The following MTUS2 variants were observed in gnomAD, a reference collection of about 807,000 sequenced individuals.
MTUS2 encodes the protein microtubule associated scaffold protein 2, also known as microtubule-associated tumor suppressor candidate 2.
Under a neutral mutation model 114.1 loss-of-function variants are expected in MTUS2, and 40 were observed. The observed-to-expected ratio is 0.35, with a 90% CI of 0.27 to 0.46. The LOEUF (loss-of-function observed/expected upper bound fraction) is 0.46, where lower values mean the gene tolerates loss of function less well. Ranked by LOEUF, MTUS2 falls within the 20% of genes least tolerant of loss-of-function variation. The pLI, the probability that MTUS2 is intolerant of heterozygous loss-of-function variation, is 1.00. For synonymous variants in MTUS2, 688 were observed against 672.0 expected (o/e 1.02, Z -0.37); for missense variants, 1,679 against 1,705.4 (o/e 0.98, Z 0.27).
intron 5 of MTUS2, among the ~76,000 whole-genome samples, chr13:29,279,047 A>G (rs963653623): frequency 2.0e-5 from 3 of 152,232 alleles, no homozygotes; most frequent in Admixed American, 6.5e-5. Context: ...AGCATACTAT[A>G]TATCAGATAC....
intron 5 of MTUS2, among the ~76,000 whole-genome samples, chr13:29,159,095 T>A (rs1892989770): frequency 2.0e-5 from 3 of 152,210 alleles, no homozygotes. Flanking sequence ...TGTTCGTGAT[T>A]GATACTGAAA....
intron 8 of MTUS2, among the ~76,000 whole-genome samples, chr13:29,418,812 G>T (rs7491516): frequency 6.6e-6 from 1 of 152,052 alleles, no homozygotes. Context: ...GACCCTCCCC[G>T]TGTGGGTGGG....
At chr13:29,343,134 T>A (rs1224735665) in intron 7 of MTUS2, among the ~76,000 whole-genome samples, 2 of 152,072 alleles carry the variant, frequency 1.3e-5, no homozygotes, top group Admixed American at 1.3e-4. Flanking sequence ...TTTTGTGATG[T>A]TCTTTCCTGG....
chr13:29,190,728 T>C (rs966679734), intron 5 of MTUS2, among the ~76,000 whole-genome samples: 1 of 152,192 alleles, frequency 6.6e-6, no homozygotes, highest in Non-Finnish European at 1.5e-5. Context: ...GAGCATTGCA[T>C]ATATATAACT....
intron 5 of MTUS2, among the ~76,000 whole-genome samples, chr13:29,201,333 CCT>C (rs1320722998): frequency 6.1e-5 from 9 of 147,762 alleles, no homozygotes; most frequent in African/African-American, 7.3e-5. Context: ...GAATGCAACC[CCT>C]GTTTTTTTTT....
At chr13:29,316,656 T>C (rs749529459) in intron 6 of MTUS2, among the ~76,000 whole-genome samples, 3 of 152,160 alleles carry the variant, frequency 2.0e-5, no homozygotes, top group Non-Finnish European at 4.4e-5. Context: ...GCCACTGCAG[T>C]GTAGTGAAAT....
intron 8 of MTUS2, among the ~76,000 whole-genome samples, chr13:29,408,974 A>G (rs1308011408): frequency 6.6e-6 from 1 of 152,208 alleles, no homozygotes; most frequent in Non-Finnish European, 1.5e-5. Flanking sequence ...TACACACAAT[A>G]TACTTACTCT....
intron 5 of MTUS2, among the ~76,000 whole-genome samples, chr13:29,260,223 A>G (rs777103671): frequency 6.6e-6 from 1 of 152,254 alleles, no homozygotes; most frequent in Non-Finnish European, 1.5e-5. Flanking sequence ...CCAATAGAAC[A>G]CAACACAATT....
At chr13:29,383,838 G>C (rs186823347) in intron 8 of MTUS2, among the ~76,000 whole-genome samples, 1 of 152,314 alleles carries the variant, frequency 6.6e-6, no homozygotes, top group East Asian at 1.9e-4. Context: ...GCTTATTACT[G>C]TCCTGGATAA....
chr13:29,369,308 C>T (rs1751700766), intron 8 of MTUS2, among the ~76,000 whole-genome samples: 1 of 152,108 alleles, frequency 6.6e-6, no homozygotes, highest in African/African-American at 2.4e-5. Context: ...GCAATGGCAC[C>T]ATCTACAGGA....
intron 5 of MTUS2, among the ~76,000 whole-genome samples, chr13:29,185,842 G>A (rs922096700): frequency 6.6e-6 from 1 of 152,152 alleles, no homozygotes; most frequent in Non-Finnish European, 1.5e-5. Context: ...AAAGCAGTTT[G>A]TGTTGAATAA....
chr13:29,079,318 G>A (rs1462433536), intron 4 of MTUS2, among the ~76,000 whole-genome samples: 1 of 151,940 alleles, frequency 6.6e-6, no homozygotes, highest in Non-Finnish European at 1.5e-5. Flanking sequence ...TATACATGTT[G>A]GATATTAGAC....
At chr13:29,132,720 G>GTA (rs1891818287) in intron 5 of MTUS2, among the ~76,000 whole-genome samples, 1 of 152,118 alleles carries the variant, frequency 6.6e-6, no homozygotes, top group Admixed American at 6.5e-5. Context: ...ATATTCCTTT[G>GTA]TATGCATAGA....
chr13:29,093,990 A>G (rs1471653563), intron 4 of MTUS2, among the ~76,000 whole-genome samples: 1 of 152,120 alleles, frequency 6.6e-6, no homozygotes, highest in Non-Finnish European at 1.5e-5. Context: ...GTTTTTCTTT[A>G]TTAATATGGT....
intron 8 of MTUS2, among the ~76,000 whole-genome samples, chr13:29,432,105 G>A (rs887797690): frequency 4.7e-5 from 7 of 148,298 alleles, no homozygotes; most frequent in East Asian, 4.0e-4. Flanking sequence ...CACCCACCTC[G>A]GCCACCCAAA....
chr13:29,039,695 A>G (rs1887261905), intron 4 of MTUS2, among the ~76,000 whole-genome samples: 1 of 152,384 alleles, frequency 6.6e-6, no homozygotes, highest in Non-Finnish European at 1.5e-5. Flanking sequence ...ATCAGTGTGA[A>G]AATGAACACA....
At chr13:29,187,743 G>A (rs1265692693) in intron 5 of MTUS2, among the ~76,000 whole-genome samples, 1 of 152,110 alleles carries the variant, frequency 6.6e-6, no homozygotes. Context: ...GATGATTTCA[G>A]CCAAGCCTGC....
At chr13:29,122,846 C>T in intron 5 of MTUS2, among the ~76,000 whole-genome samples, 1 of 152,180 alleles carries the variant, frequency 6.6e-6, no homozygotes, top group East Asian at 1.9e-4. Flanking sequence ...TGGCTCTCTC[C>T]TTCAATCCTT....
chr13:29,122,900 T>A (rs1352134117), intron 5 of MTUS2, among the ~76,000 whole-genome samples: 1 of 152,272 alleles, frequency 6.6e-6, no homozygotes, highest in East Asian at 1.9e-4. Flanking sequence ...AGGGAATTTT[T>A]AAAATGTAGC....
Sources: allele counts gnomAD v4.1 joint callset (sites outside exome capture counted in the v4.1 genomes callset), GRCh38; gene constraint gnomAD v4.1.1; transcripts MANE v1.5; gene names NCBI Gene and HGNC (gene_info 2026-07-23, HGNC 2026-07-21).